Variants in ARHGAP15 observed in about 807,000 individuals in gnomAD.
ARHGAP15 encodes the protein rho GTPase-activating protein 15.
ARHGAP15 carries 51 observed loss-of-function variants against 63.7 expected under a neutral mutation model. That is an observed-to-expected ratio of 0.80 (90% CI 0.64 to 1.01). The LOEUF is 1.01. Among genes scored for constraint, ARHGAP15 ranks in the 50% least tolerant of loss-of-function variants. The pLI is 0.00. For synonymous variants in ARHGAP15, 191 were observed against 193.8 expected (o/e 0.99, Z 0.12); for missense variants, 560 against 564.6 (o/e 0.99, Z 0.08).
chr2:143,382,226 A>C (rs563716394), intron 6 of ARHGAP15, among the ~76,000 whole-genome samples: 5 of 152,192 alleles, frequency 3.3e-5, no homozygotes, highest in Admixed American at 3.3e-4. Context: ...ACAAAGTACC[A>C]CACAAACAGG....
At position 143,151,485 on chromosome 2, in the gene ARHGAP15, T is replaced by C. The variant is rs548212098; in HGVS notation, c.-14-3992T>C. ...GAAGAGTTTCCAGTTTGAGATTCAGTTAAATGCTTCCTTGAGAGTTAAGGG... is the reference window on the plus strand; with the variant it reads ...GAAGAGTTTCCAGTTTGAGATTCAGCTAAATGCTTCCTTGAGAGTTAAGGG... On this transcript the variant is annotated intron_variant, in intron 1 of 13. Coordinates refer to ENST00000295095, the MANE Select transcript of ARHGAP15 (RefSeq NM_018460.4). Among the ~76,000 whole-genome samples, 10 of 152,106 alleles carry C rather than the reference T, an allele frequency of 6.6e-5. No homozygotes were observed. The South Asian group carries it at 2.1e-3, about 32-fold the overall frequency.
intron 6 of ARHGAP15, among the ~76,000 whole-genome samples, chr2:143,313,938 A>C (rs905710566): frequency 6.8e-6 from 1 of 146,970 alleles, no homozygotes. Flanking sequence ...GCGAGACTTA[A>C]GGTGGATGAG....
At chr2:143,584,705 G>A (rs911907598) in intron 11 of ARHGAP15, among the ~76,000 whole-genome samples, 8 of 152,126 alleles carry the variant, frequency 5.3e-5, no homozygotes, top group Admixed American at 5.2e-4. Flanking sequence ...CTGGAATTCT[G>A]CAAAGCAATC....
chr2:143,335,014 C>T (rs957593333), intron 6 of ARHGAP15, among the ~76,000 whole-genome samples: 2 of 152,152 alleles, frequency 1.3e-5, no homozygotes, highest in Non-Finnish European at 2.9e-5. Flanking sequence ...TTTATAATGT[C>T]ATCAAACTCA....
At chr2:143,374,764 A>G (rs1178272154) in intron 6 of ARHGAP15, among the ~76,000 whole-genome samples, 1 of 152,170 alleles carries the variant, frequency 6.6e-6, no homozygotes, top group East Asian at 1.9e-4. Flanking sequence ...TGGCTTCCCA[A>G]AGTTCTGGGA....
intron 10 of ARHGAP15, among the ~76,000 whole-genome samples, chr2:143,551,105 T>G (rs1028695921): frequency 2.0e-5 from 3 of 152,096 alleles, no homozygotes; most frequent in Non-Finnish European, 2.9e-5. Context: ...AGTTAATAAA[T>G]TAATAAACAG....
intron 6 of ARHGAP15, among the ~76,000 whole-genome samples, chr2:143,264,602 C>T (rs1488545830): frequency 1.3e-5 from 2 of 151,982 alleles, no homozygotes; most frequent in Admixed American, 1.3e-4. Context: ...TAATGACAGT[C>T]CCGGGCTTGT....
intron 6 of ARHGAP15, among the ~76,000 whole-genome samples, chr2:143,272,032 T>C (rs189523473): frequency 6.6e-6 from 1 of 152,328 alleles, no homozygotes; most frequent in African/African-American, 2.4e-5. Flanking sequence ...GAACTATGCC[T>C]TGTGTTCTTT....
intron 6 of ARHGAP15, among the ~76,000 whole-genome samples, chr2:143,424,387 TA>T (rs988431593): frequency 6.6e-6 from 1 of 151,872 alleles, no homozygotes; most frequent in Admixed American, 6.6e-5. Flanking sequence ...TAATTTTTTT[TA>T]AAAAAATGAG....
At chr2:143,736,923 G>A (rs1479186230) in intron 13 of ARHGAP15, among the ~76,000 whole-genome samples, 1 of 152,192 alleles carries the variant, frequency 6.6e-6, no homozygotes, top group African/African-American at 2.4e-5. Context: ...AAACACTTTA[G>A]TAATTTTAGA....
intron 11 of ARHGAP15, among the ~76,000 whole-genome samples, chr2:143,567,012 A>G (rs1696254998): frequency 6.6e-6 from 1 of 151,658 alleles, no homozygotes; most frequent in South Asian, 2.1e-4. Context: ...AGTAGCTGGG[A>G]CTACAGGTGC....
chr2:143,710,099 G>A (rs768383836), intron 13 of ARHGAP15, among the ~76,000 whole-genome samples: 4 of 152,128 alleles, frequency 2.6e-5, no homozygotes, highest in Non-Finnish European at 5.9e-5. Flanking sequence ...TGCAGACATG[G>A]ATATTTTTAC....
At chr2:143,630,226 C>T (rs931699908) in intron 12 of ARHGAP15, among the ~76,000 whole-genome samples, 3 of 152,016 alleles carry the variant, frequency 2.0e-5, no homozygotes, top group Admixed American at 2.0e-4. Flanking sequence ...GCATTCATGC[C>T]TTAAATGTTG....
At chr2:143,276,099 A>G (rs938872750) in intron 6 of ARHGAP15, among the ~76,000 whole-genome samples, 1 of 152,206 alleles carries the variant, frequency 6.6e-6, no homozygotes, top group African/African-American at 2.4e-5. Flanking sequence ...TAGTGCATAC[A>G]ACCTTAAAGA....
intron 10 of ARHGAP15, among the ~76,000 whole-genome samples, chr2:143,554,175 G>C (rs1157756185): frequency 6.6e-6 from 1 of 152,026 alleles, no homozygotes; most frequent in Non-Finnish European, 1.5e-5. Context: ...TTCTCTTTTA[G>C]AGAACATAGA....
chr2:143,418,609 G>A (rs1005790923), intron 6 of ARHGAP15, among the ~76,000 whole-genome samples: 2 of 152,198 alleles, frequency 1.3e-5, no homozygotes, highest in African/African-American at 4.8e-5. Context: ...GGGTCCTTCA[G>A]ATGATTTCTA....
intron 5 of ARHGAP15, among the ~76,000 whole-genome samples, chr2:143,239,164 G>A (rs1316170318): frequency 6.6e-6 from 1 of 151,574 alleles, no homozygotes; most frequent in Non-Finnish European, 1.5e-5. Flanking sequence ...TGCACATCCT[G>A]CACATGTACC....
chr2:143,541,784 C>T (rs544706710), intron 10 of ARHGAP15, among the ~76,000 whole-genome samples: 16 of 152,174 alleles, frequency 1.1e-4, no homozygotes, highest in Non-Finnish European at 2.1e-4. Context: ...TTAGTCTGCC[C>T]CTACTGGGGG....
chr2:143,493,940 C>T (rs557269821), intron 9 of ARHGAP15, among the ~76,000 whole-genome samples: 5 of 152,268 alleles, frequency 3.3e-5, no homozygotes, highest in East Asian at 1.9e-4. Context: ...TTGCAGATTC[C>T]GCTCTTAAAA....
Sources: gnomAD v4.1 joint callset for allele counts (sites outside exome capture counted in the v4.1 genomes callset) on GRCh38, gnomAD v4.1.1 for gene constraint, MANE v1.5 for transcripts, NCBI Gene and HGNC (gene_info 2026-07-23, HGNC 2026-07-21) for gene names.